Variants in PIGU observed in about 807,000 individuals in gnomAD.
PIGU encodes phosphatidylinositol glycan anchor biosynthesis class U.
Under a neutral mutation model 49.9 loss-of-function variants are expected in PIGU, and 24 were observed. The ratio of observed to expected loss-of-function variants is 0.48; its 90% confidence interval spans 0.35 to 0.68. PIGU has a LOEUF of 0.68. PIGU is among the 30% of genes least tolerant of loss of function. The pLI is 0.01. For synonymous variants in PIGU, 220 were observed against 205.7 expected (o/e 1.07, Z -0.59); for missense variants, 490 against 532.6 (o/e 0.92, Z 0.79).
intron 5 of PIGU, among the ~76,000 whole-genome samples, chr20:34,636,848 G>A (rs996259236): frequency 2.0e-5 from 3 of 152,158 alleles, no homozygotes; most frequent in Non-Finnish European, 4.4e-5. Flanking sequence ...CCTAGAAATT[G>A]CTGGCGGTTT....
In PIGU at chr20:34,654,687, A is replaced by C. The variant is rs924334919; in HGVS notation, c.195+2493T>G. On this transcript the variant is annotated intron_variant, in intron 2 of 11. Transcript: ENST00000217446. Reference sequence around the variant, plus strand: ...AACAAACAAAAAAAAACTGTTCTCAAAGTACATATGAGAGAGATAACTATA... The same window carrying C: ...AACAAACAAAAAAAAACTGTTCTCACAGTACATATGAGAGAGATAACTATA... Among the ~76,000 whole-genome samples, 8 of 120,616 alleles carry C rather than the reference A, an allele frequency of 6.6e-5. 2 individuals are homozygous for C. Among genetic ancestry groups the C allele is most frequent in the Non-Finnish European group, 1.2e-4 (7 of 56,502 alleles). 79.1% of individuals were successfully genotyped at this position (120,616 alleles called of 152,430 possible). A position where few individuals can be genotyped will look rare whatever the true frequency, so the allele number is the denominator to read the frequency against.
chr20:34,614,805 C>T (rs1312504375), intron 7 of PIGU, among the ~76,000 whole-genome samples: 1 of 152,090 alleles, frequency 6.6e-6, no homozygotes, highest in African/African-American at 2.4e-5. Flanking sequence ...ATGCATATGG[C>T]CTATTTCAAT....
intron 7 of PIGU, among the ~76,000 whole-genome samples, chr20:34,602,348 G>A (rs1984456719): frequency 6.6e-6 from 1 of 151,464 alleles, no homozygotes; most frequent in Admixed American, 6.6e-5. Context: ...TGTAATCCTA[G>A]CACTTTGGGA....
chr20:34,637,603 G>C (rs1600649662), intron 5 of PIGU, among the ~76,000 whole-genome samples: 1 of 152,180 alleles, frequency 6.6e-6, no homozygotes, highest in South Asian at 2.1e-4. Context: ...GTTATAAGTA[G>C]GCTGGAACCC....
chr20:34,644,464 T>C (rs1857067076), intron 3 of PIGU, among the ~76,000 whole-genome samples: 1 of 152,228 alleles, frequency 6.6e-6, no homozygotes, highest in Non-Finnish European at 1.5e-5. Context: ...TAGTGGCCCA[T>C]ATCTGCTCTA....
intron 7 of PIGU, among the ~76,000 whole-genome samples, chr20:34,601,017 A>G (rs1316728568): frequency 6.6e-6 from 1 of 151,058 alleles, no homozygotes; most frequent in African/African-American, 2.4e-5. Context: ...CTGGGCAAAA[A>G]GAACGAAACT....
chr20:34,659,261 A>C (rs1986840854), intron 1 of PIGU, among the ~76,000 whole-genome samples: 4 of 103,822 alleles, frequency 3.9e-5, no homozygotes, highest in East Asian at 6.2e-4. Context: ...TGGGGGGGTC[A>C]GCCCCCCGCC....
intron 4 of PIGU, among the ~76,000 whole-genome samples, chr20:34,643,019 G>A (rs1199826121): frequency 6.6e-6 from 1 of 152,022 alleles, no homozygotes; most frequent in African/African-American, 2.4e-5. Flanking sequence ...CTCAGCTTAT[G>A]AAACCCATGC....
At chr20:34,579,423 G>C (rs972115668) in intron 10 of PIGU, 5 of 152,176 alleles carry the variant, frequency 3.3e-5, no homozygotes, top group African/African-American at 1.2e-4. Flanking sequence ...GGTGAATGTG[G>C]GAGCATGCAT....
intron 7 of PIGU, among the ~76,000 whole-genome samples, chr20:34,604,604 T>G (rs1984544678): frequency 1.3e-5 from 2 of 152,080 alleles, no homozygotes; most frequent in African/African-American, 4.8e-5. Context: ...AGCACACACC[T>G]GGACATAGCA....
chr20:34,645,063 A>C (rs567392374), intron 3 of PIGU, among the ~76,000 whole-genome samples: 30 of 152,036 alleles, frequency 2.0e-4, no homozygotes, highest in African/African-American at 7.2e-4. Context: ...TCTTAAACAC[A>C]AGATGACAAG....
intron 7 of PIGU, among the ~76,000 whole-genome samples, chr20:34,595,759 C>T (rs1984176254): frequency 6.6e-6 from 1 of 152,178 alleles, no homozygotes; most frequent in Non-Finnish European, 1.5e-5. Context: ...AAAAACACAA[C>T]CACACTGAAG....
chr20:34,606,527 T>C (rs772616276), intron 7 of PIGU, among the ~76,000 whole-genome samples: 2 of 152,208 alleles, frequency 1.3e-5, no homozygotes, highest in Non-Finnish European at 2.9e-5. Context: ...TGCTTCCTTG[T>C]GGTGTCATTG....
chr20:34,651,539 T>C (rs1298367659), intron 2 of PIGU, among the ~76,000 whole-genome samples: 2 of 152,186 alleles, frequency 1.3e-5, no homozygotes, highest in East Asian at 3.8e-4. Flanking sequence ...TTTTTTTCCT[T>C]TTTTCATATT....
At position 34,575,257 on chromosome 20, in the gene PIGU, A is replaced by AGAGG; in HGVS notation, c.1052-15_1052-12dup. The AGAGG allele has an allele frequency of 1.2e-6, 2 of 1,613,016 alleles. No homozygotes were observed. Among genetic ancestry groups the AGAGG allele is most frequent in the East Asian group, 4.5e-5 (2 of 44,866 alleles). ...AGATGTTTCTCAGGACTGCAAAGAC[A>AGAGG]GAGGGTTACAGTTAGCCTGACACGC... On this transcript the variant is annotated splice_polypyrimidine_tract_variant and intron_variant, in intron 10 of 11. Transcript: ENST00000217446.
intron 6 of PIGU, among the ~76,000 whole-genome samples, chr20:34,632,121 T>G (rs994681604): frequency 3.3e-5 from 5 of 151,416 alleles, no homozygotes; most frequent in Non-Finnish European, 5.9e-5. Context: ...GATTACAGGC[T>G]TGAGCCACTG....
intron 1 of PIGU, among the ~76,000 whole-genome samples, chr20:34,668,190 C>T (rs368851230): frequency 1.8e-4 from 28 of 151,994 alleles, no homozygotes; most frequent in Middle Eastern, 3.4e-3. Context: ...TGGCCAGGCG[C>T]GGTGGCTCAT....
At chr20:34,588,839 T>C (rs777915021) in intron 7 of PIGU, among the ~76,000 whole-genome samples, 23 of 152,186 alleles carry the variant, frequency 1.5e-4, no homozygotes, top group Non-Finnish European at 2.9e-4. Flanking sequence ...TGGAGACAAG[T>C]TGCAGAAGAT....
At chr20:34,607,071 T>G (rs1393805719) in intron 7 of PIGU, among the ~76,000 whole-genome samples, 2 of 152,200 alleles carry the variant, frequency 1.3e-5, no homozygotes, top group East Asian at 3.8e-4. Flanking sequence ...AAATATGTAT[T>G]TTTCCCTTTG....
Sources: allele counts gnomAD v4.1 joint callset (sites outside exome capture counted in the v4.1 genomes callset), GRCh38; gene constraint gnomAD v4.1.1; transcripts MANE v1.5; gene names NCBI Gene and HGNC (gene_info 2026-07-23, HGNC 2026-07-21).